CHN1: variants seen among roughly 807,000 people sequenced by gnomAD.
The protein encoded by CHN1 is N-chimaerin.
Under a neutral mutation model 59.5 loss-of-function variants are expected in CHN1, and 37 were observed. The ratio of observed to expected loss-of-function variants is 0.62; its 90% CI spans 0.48 to 0.82. CHN1 has a LOEUF of 0.82. Ranked by LOEUF, CHN1 falls within the 40% of genes least tolerant of loss-of-function variation. The pLI is 0.00. For missense variants in CHN1, 469 were observed against 571.0 expected (o/e 0.82, Z 1.82); for synonymous variants, 206 against 200.4 (o/e 1.03, Z -0.24).
chr2:174,900,848 C>A (rs1456888574), intron 5 of CHN1, among the ~76,000 whole-genome samples: 2 of 150,548 alleles, frequency 1.3e-5, no homozygotes, highest in Non-Finnish European at 2.9e-5. Flanking sequence ...TGGAGGTGTG[C>A]TATCTAGGGC....
In CHN1 at chr2:174,808,970, T is replaced by C; in HGVS notation, c.1037A>G (p.Tyr346Cys). ...GAGTGGAATTGGCAAATCCCTGAAG[T>C]ACAGTTTAAGTGCACCAGTGATAAT... ...INIITGALKL[Y>C]FRDLPIPLIT... The change falls in exon 11 of 13, where the codon TAC becomes TGC. Residue 346 changes from tyrosine to cysteine, a missense_variant. By Grantham distance (194) the Tyr-to-Cys change is radical. Coordinates refer to ENST00000409900, the MANE Select transcript of CHN1 (RefSeq NM_001822.7). 6.2e-7 allele frequency: 1 copy of C among 1,613,504 alleles called. No homozygotes were observed. The highest frequency in any genetic ancestry group is 8.5e-7 in the Non-Finnish European group (1 of 1,179,504).
chr2:174,936,220 G>A (rs779225154), intron 3 of CHN1, among the ~76,000 whole-genome samples: 6 of 152,064 alleles, frequency 3.9e-5, no homozygotes, highest in African/African-American at 1.4e-4. Flanking sequence ...CTTGAAAAAT[G>A]TGTCACAGGG....
In CHN1 at chr2:174,878,187, G is replaced by GAA. The variant is rs201171215; in HGVS notation, c.261-61_261-60dup. 91 of 1,309,978 alleles carry GAA rather than the reference G, an allele frequency of 6.9e-5. 1 individual carries two copies. Among genetic ancestry groups the GAA allele is most frequent in the Middle Eastern group, 3.9e-4 (2 of 5,078 alleles). The allele number at this position is 1,309,978 out of a possible 1,614,324, so 81.1% of individuals were successfully genotyped here. On this transcript the variant is annotated intron_variant, in intron 5 of 12. Transcript: ENST00000409900. ...AAAAGTAAGCAACTGAATTCTTTCT[G>GAA]AAAAAAAAACAAAAACAAAAAAAAA...
intron 3 of CHN1, among the ~76,000 whole-genome samples, chr2:174,942,630 A>T (rs552036766): frequency 1.3e-5 from 2 of 152,310 alleles, no homozygotes; most frequent in East Asian, 1.9e-4. Flanking sequence ...TCTCAACACA[A>T]AGATTTGAGG....
chr2:174,849,918 G>C (rs760115146), intron 6 of CHN1, among the ~76,000 whole-genome samples: 2 of 152,174 alleles, frequency 1.3e-5, no homozygotes, highest in Non-Finnish European at 2.9e-5. Context: ...TCTTCTCTCT[G>C]ATTCTATTCA....
At chr2:174,924,176 A>C (rs77577318) in intron 3 of CHN1, among the ~76,000 whole-genome samples, 1 of 152,314 alleles carries the variant, frequency 6.6e-6, no homozygotes, top group Non-Finnish European at 1.5e-5. Flanking sequence ...TTGTAAAAGA[A>C]ATTTACATTT....
chr2:174,820,202 T>C (rs2105395676), intron 8 of CHN1, among the ~76,000 whole-genome samples: 1 of 152,046 alleles, frequency 6.6e-6, no homozygotes, highest in African/African-American at 2.4e-5. Context: ...GATGGCTGGG[T>C]CAAATGGTAT....
chr2:174,950,533 A>G (rs1419734584), intron 2 of CHN1, among the ~76,000 whole-genome samples: 1 of 152,070 alleles, frequency 6.6e-6, no homozygotes, highest in Non-Finnish European at 1.5e-5. Flanking sequence ...AAGTGTTGGG[A>G]TTACATAAAT....
intron 8 of CHN1, among the ~76,000 whole-genome samples, chr2:174,817,349 A>C (rs1685305535): frequency 6.6e-6 from 1 of 152,214 alleles, no homozygotes; most frequent in East Asian, 1.9e-4. Flanking sequence ...CCTATGTATA[A>C]AAATCCAGTA....
chr2:174,944,758 G>T, intron 3 of CHN1, 130 bp downstream of exon 3: 1 of 621,594 alleles, frequency 1.6e-6, no homozygotes, highest in Non-Finnish European at 2.8e-6. Context: ...ATGTATTCAA[G>T]TTATAATTTT....
chr2:174,903,531 T>C (rs1479274219), intron 5 of CHN1, among the ~76,000 whole-genome samples: 1 of 152,238 alleles, frequency 6.6e-6, no homozygotes, highest in African/African-American at 2.4e-5. Context: ...GGAGTGGAAC[T>C]AGAAGTATGT....
chr2:174,936,942 C>G (rs1689515670), intron 3 of CHN1, among the ~76,000 whole-genome samples: 1 of 152,034 alleles, frequency 6.6e-6, no homozygotes, highest in African/African-American at 2.4e-5. Context: ...ATCTGAATTT[C>G]AAAATTGATC....
chr2:174,996,268 C>T (rs1209236930), intron 1 of CHN1, among the ~76,000 whole-genome samples: 5 of 152,192 alleles, frequency 3.3e-5, no homozygotes. Context: ...TCACTGTAAG[C>T]CCCCTGAACC....
At chr2:174,845,664 TAC>T (rs1293394222) in intron 7 of CHN1, among the ~76,000 whole-genome samples, 1 of 151,786 alleles carries the variant, frequency 6.6e-6, no homozygotes, top group Non-Finnish European at 1.5e-5. Context: ...TAGCAATTTT[TAC>T]ATAGCCCACA....
chr2:174,807,401 C>T (rs986239314), intron 11 of CHN1, among the ~76,000 whole-genome samples: 11 of 150,024 alleles, frequency 7.3e-5, no homozygotes, highest in African/African-American at 2.0e-4. Context: ...TCGGAGTCCT[C>T]GGGATCAGAG....
chr2:174,919,912 C>T (rs1169017349), intron 3 of CHN1, among the ~76,000 whole-genome samples: 1 of 152,118 alleles, frequency 6.6e-6, no homozygotes, highest in African/African-American at 2.4e-5. Flanking sequence ...TATCCTTTAA[C>T]CAATATCTCC....
At chr2:174,808,828 A>G in intron 11 of CHN1, 77 bp downstream of exon 11, 1 of 1,489,656 alleles carries the variant, frequency 6.7e-7, no homozygotes, top group Non-Finnish European at 9.3e-7. Flanking sequence ...AATGCATTCA[A>G]GTTAGCCAGA....
intron 2 of CHN1, among the ~76,000 whole-genome samples, chr2:174,951,271 A>G (rs1398655578): frequency 2.0e-5 from 3 of 152,348 alleles, no homozygotes; most frequent in African/African-American, 7.2e-5. Flanking sequence ...ACTTATAATT[A>G]GCCCAAAGTG....
chr2:174,826,416 T>C (rs952504310), intron 7 of CHN1, among the ~76,000 whole-genome samples: 3 of 152,186 alleles, frequency 2.0e-5, no homozygotes, highest in African/African-American at 7.2e-5. Flanking sequence ...GCAACAGAAT[T>C]GTGAAGCTAC....
Sources: allele counts gnomAD v4.1 joint callset (sites outside exome capture counted in the v4.1 genomes callset), GRCh38; gene constraint gnomAD v4.1.1; transcripts MANE v1.5; gene names NCBI Gene and HGNC (gene_info 2026-07-23, HGNC 2026-07-21).